Variants in TMC5 observed in about 807,000 individuals in gnomAD.
TMC5 encodes transmembrane channel-like protein 5.
Under a neutral mutation model 110.5 loss-of-function variants are expected in TMC5, and 86 were observed. That is an observed-to-expected ratio of 0.78 (90% CI 0.65 to 0.93). The LOEUF is 0.93. Ranked by LOEUF, TMC5 falls within the 40% of genes least tolerant of loss-of-function variation. The pLI, the probability that TMC5 is intolerant of heterozygous loss-of-function variation, is 0.00. For missense variants in TMC5, 1,144 were observed against 1,222.8 expected, an observed-to-expected ratio of 0.94 and a Z score of 0.96; for synonymous variants, 455 against 439.5, an observed-to-expected ratio of 1.04 and a Z score of -0.44.
intron 19 of TMC5, among the ~76,000 whole-genome samples, chr16:19,492,983 C>CA (rs1286836981): frequency 2.4e-5 from 3 of 123,364 alleles, no homozygotes; most frequent in African/African-American, 8.5e-5. Flanking sequence ...TATTTTGAGA[C>CA]AGAGTTTCAC....
chr16:19,469,897 T>C (rs1968286713), intron 10 of TMC5, 72 bp downstream of exon 10: 4 of 1,493,820 alleles, frequency 2.7e-6, no homozygotes, highest in East Asian at 4.8e-5. Flanking sequence ...CTGTAACTTT[T>C]CTTTTTTTTT....
At position 19,474,080 on chromosome 16, in the gene TMC5, A is replaced by G. The variant is rs778911819; in HGVS notation, c.1939-45A>G. ...ACTTTTGAGTGAAGCAGAAAGGGGTACAGTGTACAAGTCAGCCCTCCGTTC... is the reference window on the plus strand; with the variant it reads ...ACTTTTGAGTGAAGCAGAAAGGGGTGCAGTGTACAAGTCAGCCCTCCGTTC... On this transcript the variant is annotated intron_variant, in intron 11 of 21. Transcript: ENST00000542583. 1.3e-5 allele frequency: 21 copies of G among 1,588,664 alleles called. No individual in the cohort carries two copies. The Admixed American group carries it at 3.1e-4, about 24-fold the overall frequency.
chr16:19,438,995 G>T (rs1048952530), intron 2 of TMC5, among the ~76,000 whole-genome samples: 2 of 152,206 alleles, frequency 1.3e-5, no homozygotes, highest in Non-Finnish European at 2.9e-5. Flanking sequence ...TGAGGTTCAG[G>T]AGCAATGGAT....
At chr16:19,416,388 C>T (rs1966877540), upstream of TMC5, among the ~76,000 whole-genome samples, 1 of 152,138 alleles carries the variant, frequency 6.6e-6, no homozygotes, top group African/African-American at 2.4e-5. Context: ...TTCTTTATTT[C>T]TGTATGAATA....
At chr16:19,474,424 A>G in intron 12 of TMC5, 148 bp downstream of exon 12, 2 of 886,036 alleles carry the variant, frequency 2.3e-6, no homozygotes, top group East Asian at 5.3e-5. Flanking sequence ...GTGGTGGCTC[A>G]TGTCAGTAAT....
chr16:19,470,785 G>A (rs917915763), intron 10 of TMC5, among the ~76,000 whole-genome samples: 4 of 136,508 alleles, frequency 2.9e-5, no homozygotes, highest in African/African-American at 1.1e-4. Flanking sequence ...TCTAATCCCA[G>A]CAATTTGGGA....
chr16:19,423,065 A>G (rs984015040), intron 1 of TMC5, among the ~76,000 whole-genome samples: 11 of 152,346 alleles, frequency 7.2e-5, no homozygotes, highest in South Asian at 6.2e-4. Context: ...TAGAGGCTCC[A>G]GTGAACTGTG....
intron 15 of TMC5, among the ~76,000 whole-genome samples, chr16:19,485,110 GC>G (rs1968707112): frequency 8.4e-6 from 1 of 119,354 alleles, no homozygotes; most frequent in Non-Finnish European, 1.6e-5. Flanking sequence ...TTTATTATTT[GC>G]CTTTTTTTTT....
chr16:19,479,798 T>C (rs984789245), intron 14 of TMC5, among the ~76,000 whole-genome samples: 15 of 152,194 alleles, frequency 9.9e-5, no homozygotes, highest in African/African-American at 2.9e-4. Context: ...ACTGAGCCAT[T>C]TGAAATCTTA....
At chr16:19,429,477 A>G (rs1251324537) in intron 1 of TMC5, among the ~76,000 whole-genome samples, 1 of 152,216 alleles carries the variant, frequency 6.6e-6, no homozygotes, top group East Asian at 1.9e-4. Flanking sequence ...TTACACTAAT[A>G]CACATTCCCA....
At position 19,430,625 on chromosome 16, in the gene TMC5, C is replaced by T. The variant is rs1165674150; in HGVS notation, c.-95C>T. The stretch of plus-strand genomic sequence containing the variant: ...GCATCTACTTGGGACAAAGCAAGAA[C>T]AATAAGGGCAAAAAAGTAAGTTTTC... On this transcript the variant is annotated 5_prime_UTR_variant, in exon 2 of 22. Coordinates refer to ENST00000542583, the MANE Select transcript of TMC5 (RefSeq NM_001261841.2). 2.0e-5 allele frequency: 3 copies of T among 152,142 alleles called. No homozygotes were observed. In the East Asian group the frequency reaches 5.8e-4, roughly 29 times the overall value. 9.4% of individuals were successfully genotyped at this position (152,142 alleles called of 1,614,324 possible).
intron 5 of TMC5, chr16:19,456,632 A>G: frequency 1.3e-6 from 2 of 1,531,580 alleles, no homozygotes; most frequent in South Asian, 2.6e-5. Context: ...AGTCCCAATC[A>G]ATGCGGGTGT....
chr16:19,432,963 T>C (rs537422809), intron 2 of TMC5, among the ~76,000 whole-genome samples: 2 of 152,002 alleles, frequency 1.3e-5, no homozygotes, highest in South Asian at 2.1e-4. Context: ...TGAATAAATA[T>C]ATACATAAAT....
chr16:19,479,430 G>T lies in TMC5; in HGVS notation c.2170-1G>T. On this transcript the variant is annotated splice_acceptor_variant, in intron 13 of 21. Coordinates refer to ENST00000542583, the MANE Select transcript of TMC5 (RefSeq NM_001261841.2). LOFTEE classifies it high-confidence loss of function. ...CATCCTGACTCTTGTTTGCCTTCCA[G>T]TGTTGGGAAACCCTCATTGGCCAGG... 1 of 1,613,178 alleles carries T rather than the reference G, an allele frequency of 6.2e-7. No homozygotes were observed. Among genetic ancestry groups the T allele is most frequent in the Non-Finnish European group, 8.5e-7 (1 of 1,179,114 alleles).
At position 19,491,006 on chromosome 16, in the gene TMC5, A is replaced by C. The variant is rs1480311040; in HGVS notation, c.2747+438A>C. Among the ~76,000 whole-genome samples, 149 of 56,016 alleles carry C rather than the reference A, an allele frequency of 2.7e-3. 5 individuals carry two copies. The highest frequency in any genetic ancestry group is 0.023 in the South Asian group (41 of 1,758). The allele number at this position is 56,016 out of a possible 152,430, so 36.7% of individuals were successfully genotyped here. ...CTTCTCCTTCCTTCCTTCCTTCCTT[A>C]CTTCTCTCTTTCTTTTTTGGTTGAG... On this transcript the variant is annotated intron_variant, in intron 18 of 21. Coordinates refer to ENST00000542583, the MANE Select transcript of TMC5 (RefSeq NM_001261841.2).
intron 5 of TMC5, among the ~76,000 whole-genome samples, chr16:19,453,131 G>A (rs1001144676): frequency 6.6e-6 from 1 of 151,852 alleles, no homozygotes; most frequent in Admixed American, 6.6e-5. Flanking sequence ...GCTTTGTGTT[G>A]AATCTGATTC....
chr16:19,419,750 A>G (rs1250707607), intron 1 of TMC5, among the ~76,000 whole-genome samples: 1 of 152,110 alleles, frequency 6.6e-6, no homozygotes, highest in Non-Finnish European at 1.5e-5. Flanking sequence ...ATACTTTGCC[A>G]GAAAAGGTCC....
chr16:19,432,622 C>T (rs1967217576), intron 2 of TMC5, among the ~76,000 whole-genome samples: 1 of 152,160 alleles, frequency 6.6e-6, no homozygotes, highest in Admixed American at 6.6e-5. Flanking sequence ...TCTCTCTTTC[C>T]CAATCCTTTT....
At chr16:19,464,967 C>G (rs1458915903) in intron 8 of TMC5, among the ~76,000 whole-genome samples, 2 of 104,772 alleles carry the variant, frequency 1.9e-5, no homozygotes, top group African/African-American at 5.1e-5. Context: ...GTACTATAAG[C>G]CCTTCTTTCT....
Sources: allele counts gnomAD v4.1 joint callset (sites outside exome capture counted in the v4.1 genomes callset), GRCh38; gene constraint gnomAD v4.1.1; transcripts MANE v1.5; gene names NCBI Gene and HGNC (gene_info 2026-07-23, HGNC 2026-07-21).